PCDH15: variants seen among roughly 807,000 people sequenced by gnomAD.
The protein encoded by PCDH15 is protocadherin-15.
Under a neutral mutation model 178.5 loss-of-function variants are expected in PCDH15, and 129 were observed. That is an observed-to-expected ratio of 0.72 (90% confidence interval 0.63 to 0.84). PCDH15 has a LOEUF of 0.84. Ranked by LOEUF, PCDH15 falls within the 40% of genes least tolerant of loss-of-function variation. PCDH15 has a pLI of 0.00. For synonymous variants in PCDH15, 800 were observed against 732.0 expected, an observed-to-expected ratio of 1.09 and a Z score of -1.50; for missense variants, 2,230 against 2,099.9, an observed-to-expected ratio of 1.06 and a Z score of -1.21.
At chr10:55,522,528 T>A (rs1400491311) in intron 2 of PCDH15, among the ~76,000 whole-genome samples, 1 of 151,806 alleles carries the variant, frequency 6.6e-6, no homozygotes, top group East Asian at 1.9e-4. Flanking sequence ...TTAAAATTAT[T>A]ATATTCTCTT....
At chr10:54,505,275 A>C (rs1380919705) in intron 3 of PCDH15, among the ~76,000 whole-genome samples, 1 of 152,118 alleles carries the variant, frequency 6.6e-6, no homozygotes, top group Non-Finnish European at 1.5e-5. Flanking sequence ...TTTTCTCATG[A>C]ATTTCTATGT....
intron 2 of PCDH15, among the ~76,000 whole-genome samples, chr10:55,073,339 T>A (rs928014763): frequency 6.6e-6 from 1 of 152,018 alleles, no homozygotes; most frequent in East Asian, 1.9e-4. Context: ...TGATTGTATA[T>A]CTAGAAAACC....
chr10:54,076,732 C>T (rs971088234), intron 17 of PCDH15, among the ~76,000 whole-genome samples: 23 of 152,168 alleles, frequency 1.5e-4, no homozygotes, highest in Admixed American at 1.4e-3. Context: ...TCCATACTGT[C>T]TACAAATAAA....
chr10:54,659,130 A>G (rs2094452554), intron 2 of PCDH15, among the ~76,000 whole-genome samples: 1 of 152,186 alleles, frequency 6.6e-6, no homozygotes, highest in Admixed American at 6.5e-5. Context: ...ACTAGACCTA[A>G]GAAAAGAAAC....
intron 2 of PCDH15, among the ~76,000 whole-genome samples, chr10:55,536,492 C>A (rs1037081936): frequency 3.3e-5 from 5 of 152,154 alleles, no homozygotes; most frequent in African/African-American, 1.2e-4. Context: ...TTAAAATATG[C>A]AAATATCAGT....
At chr10:53,927,211 G>A (rs2084641833) in intron 25 of PCDH15, among the ~76,000 whole-genome samples, 2 of 151,834 alleles carry the variant, frequency 1.3e-5, no homozygotes, top group African/African-American at 4.8e-5. Context: ...GAATTACAAG[G>A]GGACCCACAA....
At chr10:54,418,972 A>G (rs1261407699) in intron 3 of PCDH15, among the ~76,000 whole-genome samples, 1 of 152,060 alleles carries the variant, frequency 6.6e-6, no homozygotes, top group African/African-American at 2.4e-5. Context: ...GAGATAATTT[A>G]CAAACACATA....
At chr10:54,824,468 C>T (rs371828347) in intron 3 of PCDH15, among the ~76,000 whole-genome samples, 9 of 152,100 alleles carry the variant, frequency 5.9e-5, no homozygotes, top group Non-Finnish European at 1.2e-4. Flanking sequence ...GAGCACAGAA[C>T]AGTCAGGATG....
chr10:54,901,880 T>C (rs1241943470), intron 2 of PCDH15, among the ~76,000 whole-genome samples: 2 of 152,210 alleles, frequency 1.3e-5, no homozygotes, highest in Non-Finnish European at 2.9e-5. Flanking sequence ...CTAATTATTA[T>C]GGAATGCATT....
chr10:54,025,475 C>T (rs181700637), intron 18 of PCDH15, among the ~76,000 whole-genome samples: 21 of 151,390 alleles, frequency 1.4e-4, no homozygotes, highest in African/African-American at 4.6e-4. Flanking sequence ...CCCCATATCC[C>T]TTGGTTCATG....
chr10:55,337,801 T>C (rs945953946), intron 2 of PCDH15, among the ~76,000 whole-genome samples: 1 of 151,954 alleles, frequency 6.6e-6, no homozygotes, highest in Admixed American at 6.6e-5. Context: ...ATTTAAGGGA[T>C]AGTGGTGACA....
At chr10:54,385,311 G>C (rs1163731078) in intron 3 of PCDH15, among the ~76,000 whole-genome samples, 1 of 152,002 alleles carries the variant, frequency 6.6e-6, no homozygotes. Flanking sequence ...TATTTAATAT[G>C]TTATTGAAAA....
At chr10:55,001,038 G>C (rs553016050) in intron 2 of PCDH15, among the ~76,000 whole-genome samples, 1 of 152,132 alleles carries the variant, frequency 6.6e-6, no homozygotes, top group South Asian at 2.1e-4. Context: ...CCTGCCTGAG[G>C]AAAGGAGCTA....
At chr10:54,302,629 C>T (rs959387313) in intron 8 of PCDH15, among the ~76,000 whole-genome samples, 1 of 152,054 alleles carries the variant, frequency 6.6e-6, no homozygotes, top group Non-Finnish European at 1.5e-5. Context: ...CCAGAACTGT[C>T]AGAAATAAAT....
chr10:54,495,828 A>C (rs1412736920), intron 3 of PCDH15, among the ~76,000 whole-genome samples: 2 of 152,160 alleles, frequency 1.3e-5, no homozygotes, highest in African/African-American at 4.8e-5. Flanking sequence ...ATTTCACAAT[A>C]GTCTCCTATT....
At chr10:53,994,296 A>G (rs1189959462) in intron 21 of PCDH15, among the ~76,000 whole-genome samples, 1 of 152,208 alleles carries the variant, frequency 6.6e-6, no homozygotes, top group African/African-American at 2.4e-5. Flanking sequence ...CATTAACGCC[A>G]TTAAACTCTA....
At chr10:55,291,463 G>C (rs1350417791) in intron 1 of PCDH15, among the ~76,000 whole-genome samples, 1 of 152,108 alleles carries the variant, frequency 6.6e-6, no homozygotes, top group Non-Finnish European at 1.5e-5. Context: ...TGTTTAAAAT[G>C]ACAACAGCAC....
At chr10:54,201,999 C>A (rs2050282292) in intron 10 of PCDH15, among the ~76,000 whole-genome samples, 1 of 152,108 alleles carries the variant, frequency 6.6e-6, no homozygotes, top group African/African-American at 2.4e-5. Context: ...AACGTATAAT[C>A]TTCTAGAAGG....
chr10:55,386,703 T>C (rs1347177893), intron 2 of PCDH15, among the ~76,000 whole-genome samples: 1 of 152,066 alleles, frequency 6.6e-6, no homozygotes, highest in African/African-American at 2.4e-5. Flanking sequence ...CAAGTATTTC[T>C]ATAAAAAAGA....
Sources: allele counts gnomAD v4.1 joint callset (sites outside exome capture counted in the v4.1 genomes callset), GRCh38; gene constraint gnomAD v4.1.1; transcripts MANE v1.5; gene names NCBI Gene and HGNC (gene_info 2026-07-23, HGNC 2026-07-21).